Variants in KRT8 observed in about 807,000 individuals in gnomAD.
KRT8 encodes keratin 8.
In KRT8, 24 loss-of-function variants were observed where a neutral mutation model predicts 43.0. The ratio of observed to expected loss-of-function variants is 0.56; its 90% CI spans 0.40 to 0.78. KRT8 has a LOEUF of 0.78. Ranked by LOEUF, KRT8 falls within the 30% of genes least tolerant of loss-of-function variation. The probability of loss-of-function intolerance (pLI) is 0.00; values close to 1 mark genes in which losing one functional copy is unlikely to be tolerated. For synonymous variants in KRT8, 214 were observed against 261.2 expected, an observed-to-expected ratio of 0.82 and a Z score of 1.74; for missense variants, 492 against 638.4, an observed-to-expected ratio of 0.77 and a Z score of 2.47.
At chr12:52,899,244 G>A (rs1313979940) in intron 5 of KRT8, among the ~76,000 whole-genome samples, 1 of 152,192 alleles carries the variant, frequency 6.6e-6, no homozygotes, top group Non-Finnish European at 1.5e-5. Context: ...GAACCCAGGA[G>A]GCGGAGCTTG....
chr12:52,897,590 G>A (rs1321177099), exon 8 of KRT8: 3 of 1,598,190 alleles, frequency 1.9e-6, no homozygotes, highest in Admixed American at 1.7e-5. Flanking sequence ...CGGGGCTTGT[G>A]AGGCCCCCAT....
exon 1 of KRT8, chr12:52,949,775 G>C: frequency 1.4e-6 from 1 of 717,636 alleles, no homozygotes. Context: ...AGGCATGGGA[G>C]GGCTCTTTCC....
chr12:52,920,740 T>A (rs528364081), intron 2 of KRT8, among the ~76,000 whole-genome samples: 1 of 151,798 alleles, frequency 6.6e-6, no homozygotes, highest in Non-Finnish European at 1.5e-5. Flanking sequence ...TGAACCAGCC[T>A]GCCAGGTAAG....
intron 2 of KRT8, among the ~76,000 whole-genome samples, chr12:52,918,650 C>T (rs974405027): frequency 2.0e-5 from 3 of 152,298 alleles, no homozygotes; most frequent in Middle Eastern, 3.4e-3. Flanking sequence ...GCTGAAAATG[C>T]AGATAGTAAC....
intron 2 of KRT8, among the ~76,000 whole-genome samples, chr12:52,924,002 G>A (rs1335743698): frequency 3.3e-5 from 5 of 150,950 alleles, no homozygotes; most frequent in Admixed American, 6.6e-5. Context: ...CCGCCACCAC[G>A]CCTGGCTAAT....
intron 1 of KRT8, among the ~76,000 whole-genome samples, 171 bp downstream of exon 1, chr12:52,904,487 C>G (rs1329480645): frequency 1.3e-5 from 2 of 152,170 alleles, no homozygotes; most frequent in Non-Finnish European, 1.5e-5. Flanking sequence ...CCTCACCCAG[C>G]CCAAACCAAG....
chr12:52,926,341 A>AGTGGCCC, intron 2 of KRT8: 4 of 322,086 alleles, frequency 1.2e-5, no homozygotes, highest in East Asian at 6.8e-5. Flanking sequence ...TGCCCTCCCC[A>AGTGGCCC]CCCCACCCCC....
intron 2 of KRT8, among the ~76,000 whole-genome samples, chr12:52,940,892 C>T (rs2120731457): frequency 6.6e-6 from 1 of 152,120 alleles, no homozygotes; most frequent in South Asian, 2.1e-4. Flanking sequence ...TCCCAAAGTG[C>T]TGGGATTACA....
chr12:52,946,451 T>A (rs1942344947), intron 2 of KRT8, among the ~76,000 whole-genome samples: 1 of 152,224 alleles, frequency 6.6e-6, no homozygotes, highest in Non-Finnish European at 1.5e-5. Context: ...TCACATTCAC[T>A]GCCACCTGAG....
At chr12:52,918,313 G>T (rs1008719991) in intron 2 of KRT8, among the ~76,000 whole-genome samples, 4 of 151,996 alleles carry the variant, frequency 2.6e-5, no homozygotes, top group African/African-American at 4.8e-5. Context: ...CAGGCAGAAG[G>T]TCAAGGGGCC....
chr12:52,900,732 C>A (rs1369245221), intron 3 of KRT8, 49 bp from the exon 4 acceptor site: 2 of 1,333,156 alleles, frequency 1.5e-6, no homozygotes, highest in African/African-American at 1.4e-5. Flanking sequence ...ACACCCAACC[C>A]CAACCAAGGG....
chr12:52,930,446 C>T (rs898179479), intron 2 of KRT8, among the ~76,000 whole-genome samples: 3 of 152,366 alleles, frequency 2.0e-5, no homozygotes, highest in East Asian at 1.9e-4. Flanking sequence ...GTCTCGAACT[C>T]TCGACCTCAG....
intron 2 of KRT8, among the ~76,000 whole-genome samples, chr12:52,931,522 T>C (rs1452797651): frequency 6.6e-6 from 1 of 152,136 alleles, no homozygotes; most frequent in Non-Finnish European, 1.5e-5. Context: ...CAATCATAGC[T>C]GGTACAAAAC....
upstream of KRT8, among the ~76,000 whole-genome samples, chr12:52,907,716 C>T (rs1361114317): frequency 1.3e-5 from 2 of 152,200 alleles, no homozygotes; most frequent in Non-Finnish European, 2.9e-5. Flanking sequence ...TGTCATCTCT[C>T]TATTGCCCAG....
intron 2 of KRT8, among the ~76,000 whole-genome samples, chr12:52,936,987 C>T (rs1050751326): frequency 1.3e-5 from 2 of 152,122 alleles, no homozygotes; most frequent in African/African-American, 4.8e-5. Context: ...TGAATCCAGA[C>T]ATATTTTCAA....
At chr12:52,912,844 G>A (rs1941662425) in intron 2 of KRT8, among the ~76,000 whole-genome samples, 3 of 152,232 alleles carry the variant, frequency 2.0e-5, no homozygotes, top group African/African-American at 7.2e-5. Context: ...TGGACACTCA[G>A]AGAGCTGATG....
intron 2 of KRT8, among the ~76,000 whole-genome samples, chr12:52,926,845 C>G (rs1371864176): frequency 6.6e-6 from 1 of 152,170 alleles, no homozygotes; most frequent in African/African-American, 2.4e-5. Flanking sequence ...GCCCGCACAT[C>G]AGCGCCAAGG....
Position 52,949,731 on chromosome 12 carries a change from G to T in KRT8, c.-193C>A, listed in dbSNP as rs539005107. 593 of 786,682 alleles carry T rather than the reference G, an allele frequency of 7.5e-4. 4 individuals carry two copies. Among genetic ancestry groups the T allele is most frequent in the South Asian group, 3.2e-3 (225 of 69,264 alleles). The allele number at this position is 786,682 out of a possible 1,614,324, so 48.7% of individuals were successfully genotyped here. ...TGGGCATACCTGGATTTCCATCCGCGCACCTAGCCACAGGGTCCCTAAGAG... is the reference window on the plus strand; with the variant it reads ...TGGGCATACCTGGATTTCCATCCGCTCACCTAGCCACAGGGTCCCTAAGAG... On this transcript the variant is annotated 5_prime_UTR_variant, in exon 1 of 7. Coordinates refer to the KRT8 transcript ENST00000546826.
exon 5 of KRT8, chr12:52,900,016 G>C (rs1258612383): frequency 1.2e-6 from 2 of 1,612,848 alleles, no homozygotes; most frequent in Non-Finnish European, 1.7e-6. Flanking sequence ...GTTGTCCATG[G>C]ACAGCACCAC....
Sources: allele counts gnomAD v4.1 joint callset (sites outside exome capture counted in the v4.1 genomes callset), GRCh38; gene constraint gnomAD v4.1.1; transcripts MANE v1.5; gene names NCBI Gene and HGNC (gene_info 2026-07-23, HGNC 2026-07-21).